The following CHURC1 variants were observed in gnomAD, a reference collection of about 807,000 sequenced individuals.
The protein encoded by CHURC1 is protein Churchill.
CHURC1 carries 12 observed loss-of-function variants against 15.4 expected under a neutral mutation model. The observed-to-expected ratio is 0.78, with a 90% CI of 0.50 to 1.27. CHURC1 has a LOEUF of 1.27. Ranked by LOEUF, CHURC1 falls within the 50% of genes most tolerant of loss-of-function variation. The pLI, the probability that CHURC1 is intolerant of heterozygous loss-of-function variation, is 0.00. For synonymous variants in CHURC1, 42 were observed against 47.5 expected (o/e 0.88, Z 0.48); for missense variants, 132 against 137.8 (o/e 0.96, Z 0.21).
Position 64,934,761 on chromosome 14 carries a change from C to T in CHURC1, c.*2531C>T, listed in dbSNP as rs1028199455. The T allele has an allele frequency of 7.1e-6, 7 of 985,388 alleles. No homozygotes were observed. The highest frequency in any genetic ancestry group is 5.2e-4 in the Middle Eastern group (1 of 1,914). The allele number at this position is 985,388 out of a possible 1,614,324, so 61.0% of individuals were successfully genotyped here. ...CCTTCCTTGAGTTTGCTAATGCTTCCAACTTAGTCATTTGAAGCCCAAGAG... is the reference window on the plus strand; with the variant it reads ...CCTTCCTTGAGTTTGCTAATGCTTCTAACTTAGTCATTTGAAGCCCAAGAG... On this transcript the variant is annotated 3_prime_UTR_variant, in exon 4 of 4. Transcript: ENST00000549115.
intron 1 of CHURC1, among the ~76,000 whole-genome samples, chr14:64,921,139 A>T (rs1884266206): frequency 6.6e-6 from 1 of 152,176 alleles, no homozygotes. Flanking sequence ...TGCCAAAACA[A>T]CTGGAAATCC....
chr14:64,923,900 G>T, intron 1 of CHURC1, 91 bp from the exon 2 acceptor site: 39 of 1,145,126 alleles, frequency 3.4e-5, no homozygotes, highest in East Asian at 1.7e-4. Context: ...TTTTAGTTTT[G>T]TTTTGCCTTT....
rs756213916 is a variant in CHURC1 at position 64,932,203 on chromosome 14, C to T, written c.312C>T (p.Asp104=). The T allele has an allele frequency of 1.9e-6, 3 of 1,613,750 alleles. No individual in the cohort carries two copies. Among genetic ancestry groups the T allele is most frequent in the Non-Finnish European group, 2.5e-6 (3 of 1,179,762 alleles). ...ATACTATCAGTATTCTCCCTGATGA[C>T]CCCCGACAAATGACTCTCTTATTCT... is the stretch of plus-strand genomic sequence containing the variant. ...AEDTISILPD[D]PRQMTLLF The change falls in exon 4 of 4, where the codon GAC becomes GAT. Residue 104 remains aspartate (D), a synonymous_variant. Coordinates refer to ENST00000549115, the MANE Select transcript of CHURC1 (RefSeq NM_001386928.1).
At chr14:64,922,375 G>A (rs969982931) in intron 1 of CHURC1, among the ~76,000 whole-genome samples, 7 of 151,822 alleles carry the variant, frequency 4.6e-5, no homozygotes, top group African/African-American at 9.7e-5. Flanking sequence ...TCAGGAGATC[G>A]AGACCATCCT....
At position 64,927,306 on chromosome 14, in the gene CHURC1, G is replaced by A. The variant is rs149749486; in HGVS notation, c.246+1226G>A. On this transcript the variant is annotated intron_variant, in intron 3 of 3. Transcript: ENST00000549115. ...CTCAAGAAATATTTATATGATATGC[G>A]TAACTTAGGGCAAAATTGACATCTT... is the stretch of plus-strand genomic sequence containing the variant. Among the ~76,000 whole-genome samples the A allele has an allele frequency of 2.0e-3, 309 of 152,226 alleles. 2 individuals carry two copies. Among genetic ancestry groups the A allele is most frequent in the African/African-American group, 6.9e-3 (286 of 41,536 alleles).
intron 1 of CHURC1, among the ~76,000 whole-genome samples, chr14:64,916,331 A>C (rs1883876501): frequency 1.3e-5 from 2 of 152,202 alleles, no homozygotes; most frequent in South Asian, 4.1e-4. Context: ...GTCACATGAG[A>C]AAAAGTCTTC....
At chr14:64,924,168 G>T in intron 2 of CHURC1, 42 bp downstream of exon 2, 1 of 1,567,050 alleles carries the variant, frequency 6.4e-7, no homozygotes, top group African/African-American at 1.4e-5. Context: ...GTTAGCAGGT[G>T]TCAGCTTTTG....
chr14:64,919,432 C>G (rs565063295), intron 1 of CHURC1, among the ~76,000 whole-genome samples: 1 of 152,198 alleles, frequency 6.6e-6, no homozygotes, highest in South Asian at 2.1e-4. Context: ...TAACATTGAA[C>G]CAGATTTAAT....
Position 64,934,387 on chromosome 14 carries a change from T to C in CHURC1, c.*2157T>C, listed in dbSNP as rs1885231574. 1 of 964,820 alleles carries C rather than the reference T, an allele frequency of 1.0e-6. No individual in the cohort carries two copies. Among genetic ancestry groups the C allele is most frequent in the Non-Finnish European group, 1.2e-6 (1 of 811,450 alleles). 59.8% of individuals were successfully genotyped at this position (964,820 alleles called of 1,614,324 possible). On this transcript the variant is annotated 3_prime_UTR_variant, in exon 4 of 4. Coordinates refer to ENST00000549115, the MANE Select transcript of CHURC1 (RefSeq NM_001386928.1). ...AACAAAACAACAACAAAAAAAGAAG[T>C]TAAATAACTTGTTTAAGATCACACA... is the stretch of plus-strand genomic sequence containing the variant.
rs10532184 is a variant in CHURC1, at chr14:64,935,337, TAATAA to T, written c.*3115_*3119del. ...TACCCTAAAACTTAAAGTATAATAATAATAAAATAAAAAAAAAGGAATTAGGCAAA... is the reference window on the plus strand; with the variant it reads ...TACCCTAAAACTTAAAGTATAATAATAATAAAAAAAAAGGAATTAGGCAAA... On this transcript the variant is annotated 3_prime_UTR_variant, in exon 4 of 4. Transcript: ENST00000549115. The T allele has an allele frequency of 0.11, 97,751 of 877,964 alleles. 5,659 individuals carry two copies. Among genetic ancestry groups the T allele is most frequent in the Non-Finnish European group, 0.12 (88,720 of 732,462 alleles). 54.4% of individuals were successfully genotyped at this position (877,964 alleles called of 1,614,324 possible).
At chr14:64,916,101 T>A (rs1390722944) in intron 1 of CHURC1, among the ~76,000 whole-genome samples, 1 of 152,220 alleles carries the variant, frequency 6.6e-6, no homozygotes, top group East Asian at 1.9e-4. Context: ...AGAGAAACCC[T>A]GAATTATAGC....
In CHURC1 at chr14:64,932,149, G is replaced by GC. The variant is rs1566832582; in HGVS notation, c.259dup (p.Leu87ProfsTer17). 1 of 1,613,642 alleles carries GC rather than the reference G, an allele frequency of 6.2e-7. No homozygotes were observed. Among genetic ancestry groups the GC allele is most frequent in the Non-Finnish European group, 8.5e-7 (1 of 1,179,634 alleles). On this transcript the variant is annotated frameshift_variant, in exon 4 of 4. Transcript: ENST00000549115. LOFTEE classifies it high-confidence loss of function. ...TTATCTTGTTCTAGGAGTATACCAT[G>GC]CTGTGTCTGTTATGCGGCAAAGCCG...
At chr14:64,923,190 T>G (rs1884438585) in intron 1 of CHURC1, among the ~76,000 whole-genome samples, 1 of 147,302 alleles carries the variant, frequency 6.8e-6, no homozygotes, top group Non-Finnish European at 1.5e-5. Flanking sequence ...TCCCAATACT[T>G]GGGAGGCTGA....
chr14:64,927,716 A>ACCC (rs1172402751), intron 3 of CHURC1, among the ~76,000 whole-genome samples: 9 of 40,708 alleles, frequency 2.2e-4, no homozygotes, highest in African/African-American at 6.9e-4. Flanking sequence ...TTCTCCCCCC[A>ACCC]CCCCCCCCCC....
rs757535145 is a variant in CHURC1 at position 64,924,023 on chromosome 14, A to T, written c.72A>T (p.Leu24Phe). 6.3e-7 allele frequency: 1 copy of T among 1,574,808 alleles called. No individual in the cohort carries two copies. The highest frequency in any genetic ancestry group is 2.3e-5 in the East Asian group (1 of 43,514). The change falls in exon 2 of 4, where the codon TTA becomes TTT. Residue 24 changes from leucine (L) to phenylalanine (F), a missense_variant. By Grantham distance (22) the Leu-to-Phe change is conservative. Coordinates refer to ENST00000549115, the MANE Select transcript of CHURC1 (RefSeq NM_001386928.1). ...CCTGCCTGGAGAATGGATCTTTCTT[A>T]CTGAACTTTACAGGCTGTGCAGTGT... is the stretch of plus-strand genomic sequence containing the variant. Reference protein sequence around the residue: ...GNTCLENGSFLLNFTGCAVCS... With the variant: ...GNTCLENGSFFLNFTGCAVCS...
intron 1 of CHURC1, among the ~76,000 whole-genome samples, chr14:64,916,470 G>A (rs1883886827): frequency 6.6e-6 from 1 of 152,156 alleles, no homozygotes. Flanking sequence ...TTTTTTTAAA[G>A]TTTAAAAAGA....
At chr14:64,917,312 C>G (rs556452722) in intron 1 of CHURC1, among the ~76,000 whole-genome samples, 69 of 152,256 alleles carry the variant, frequency 4.5e-4, no homozygotes, top group African/African-American at 1.3e-3. Flanking sequence ...CCTATAATCC[C>G]AGCACTTTGG....
At position 64,935,132 on chromosome 14, in the gene CHURC1, A is replaced by G. The variant is rs1885267619; in HGVS notation, c.*2902A>G. On this transcript the variant is annotated 3_prime_UTR_variant, in exon 4 of 4. Transcript: ENST00000549115. ...TCTCACTCATAGATAGGAATTGAAC[A>G]ATGAGAACACATGGAGACAGGAAGG... The G allele has an allele frequency of 2.8e-6, 1 of 359,582 alleles. No individual in the cohort carries two copies. The highest frequency in any genetic ancestry group is 2.2e-5 in the African/African-American group (1 of 44,838). The allele number at this position is 359,582 out of a possible 1,614,324, so 22.3% of individuals were successfully genotyped here. A position where few individuals can be genotyped will look rare whatever the true frequency, so the allele number is the denominator to read the frequency against.
At chr14:64,924,341 G>A (rs868589826) in intron 2 of CHURC1, 5 of 444,196 alleles carry the variant, frequency 1.1e-5, no homozygotes, top group South Asian at 1.0e-4. Context: ...TAAAGCTTAC[G>A]ATTCAGGAAC....
Sources: gnomAD v4.1 joint callset for allele counts (sites outside exome capture counted in the v4.1 genomes callset) on GRCh38, gnomAD v4.1.1 for gene constraint, MANE v1.5 for transcripts, NCBI Gene and HGNC (gene_info 2026-07-23, HGNC 2026-07-21) for gene names.